Variants in SLC4A10 observed in about 807,000 individuals in gnomAD.
SLC4A10 encodes the protein solute carrier family 4 member 10.
A neutral mutation model predicts 137.7 loss-of-function variants in SLC4A10; 42 were observed. The ratio of observed to expected loss-of-function variants is 0.30; its 90% CI spans 0.24 to 0.39. SLC4A10 has a LOEUF of 0.39. SLC4A10 is among the 10% of genes least tolerant of loss of function. The probability of loss-of-function intolerance (pLI) is 1.00; values close to 1 mark genes in which losing one functional copy is unlikely to be tolerated. For synonymous variants in SLC4A10, 474 were observed against 464.1 expected (o/e 1.02, Z -0.27); for missense variants, 925 against 1,355.0 (o/e 0.68, Z 4.98).
chr2:161,892,780 T>C (rs1364460300), intron 10 of SLC4A10, among the ~76,000 whole-genome samples: 2 of 152,056 alleles, frequency 1.3e-5, no homozygotes, highest in Admixed American at 6.6e-5. Flanking sequence ...GTCAGAAATA[T>C]TTATATTATA....
intron 3 of SLC4A10, among the ~76,000 whole-genome samples, chr2:161,812,171 T>C (rs1639388292): frequency 6.6e-6 from 1 of 152,050 alleles, no homozygotes; most frequent in Non-Finnish European, 1.5e-5. Flanking sequence ...TGTCCCTTAA[T>C]GAAGAAAATT....
At chr2:161,731,034 T>A (rs2046773777) in intron 1 of SLC4A10, among the ~76,000 whole-genome samples, 1 of 152,154 alleles carries the variant, frequency 6.6e-6, no homozygotes, top group African/African-American at 2.4e-5. Context: ...TGTTTTGAAT[T>A]GAAATTGTAC....
intron 1 of SLC4A10, among the ~76,000 whole-genome samples, chr2:161,733,805 G>A (rs1160791923): frequency 6.6e-6 from 1 of 152,212 alleles, no homozygotes; most frequent in Non-Finnish European, 1.5e-5. Flanking sequence ...AAAGCCACAG[G>A]GGTGGAGCTG....
chr2:161,666,624 C>T (rs1372565934), intron 1 of SLC4A10, among the ~76,000 whole-genome samples: 2 of 151,662 alleles, frequency 1.3e-5, no homozygotes, highest in Non-Finnish European at 3.0e-5. Flanking sequence ...ACAGATCTGG[C>T]TGATATTATG....
chr2:161,909,242 A>C (rs1685229964), intron 15 of SLC4A10, among the ~76,000 whole-genome samples: 1 of 152,078 alleles, frequency 6.6e-6, no homozygotes, highest in African/African-American at 2.4e-5. Context: ...TAACAATAAA[A>C]TTAAATATAT....
intron 9 of SLC4A10, 139 bp from the exon 10 acceptor site, chr2:161,882,218 A>T: frequency 1.8e-6 from 1 of 549,990 alleles, no homozygotes; most frequent in East Asian, 3.2e-5. Flanking sequence ...TCAAAATAAT[A>T]ATGAACTATG....
rs1261502891 is a variant in SLC4A10 at position 161,771,012 on chromosome 2, C to T, written c.88C>T (p.Arg30Cys). The change falls in exon 2 of 27, where the codon CGT (arginine) becomes TGT (cysteine). Residue 30 changes from arginine (R) to cysteine (C), a missense_variant. Transcript: ENST00000446997. ...EEAVVDRGGT[R>C]SILKTHFEKE... ...AGCAGTTGTGGATAGAGGTGGAACT[C>T]GTTCTATTCTCAAAACACACTTTGA... The T allele has an allele frequency of 6.2e-6, 10 of 1,605,828 alleles. No homozygotes were observed. Among genetic ancestry groups the T allele is most frequent in the Non-Finnish European group, 7.7e-6 (9 of 1,175,762 alleles).
Position 161,930,353 on chromosome 2 carries a change from A to G in SLC4A10, c.1998-12439A>G, listed in dbSNP as rs545737519. On this transcript the variant is annotated intron_variant, in intron 15 of 26. Transcript: ENST00000446997. ...AGGAGTGATTTGCAGATTTAATGCAATTATATCAAAGTAGTTTATAACCCA... is the reference window on the plus strand; with the variant it reads ...AGGAGTGATTTGCAGATTTAATGCAGTTATATCAAAGTAGTTTATAACCCA... 2.0e-5 allele frequency among the ~76,000 whole-genome samples: 3 copies of G among 152,158 alleles called. No individual in the cohort carries two copies. In the East Asian group the frequency reaches 5.8e-4, roughly 29 times the overall value.
intron 5 of SLC4A10, among the ~76,000 whole-genome samples, chr2:161,860,852 G>A (rs1202655489): frequency 6.6e-6 from 1 of 152,138 alleles, no homozygotes; most frequent in Non-Finnish European, 1.5e-5. Flanking sequence ...ACATATGGCC[G>A]ACTGCCTGAT....
intron 15 of SLC4A10, among the ~76,000 whole-genome samples, chr2:161,939,565 C>A (rs1425837749): frequency 6.6e-6 from 1 of 152,030 alleles, no homozygotes; most frequent in Non-Finnish European, 1.5e-5. Context: ...CTTTACATTC[C>A]ACTTTGTAAG....
At chr2:161,664,684 G>C (rs1020665548) in intron 1 of SLC4A10, among the ~76,000 whole-genome samples, 2 of 144,028 alleles carry the variant, frequency 1.4e-5, no homozygotes, top group African/African-American at 5.1e-5. Flanking sequence ...TTGACTTATT[G>C]TCTAAGTTTA....
At chr2:161,730,929 A>G (rs138235978) in intron 1 of SLC4A10, among the ~76,000 whole-genome samples, 1 of 152,326 alleles carries the variant, frequency 6.6e-6, no homozygotes, top group East Asian at 1.9e-4. Flanking sequence ...AGGTTGACCT[A>G]TAGTATTTAC....
intron 1 of SLC4A10, among the ~76,000 whole-genome samples, chr2:161,695,020 T>C (rs554083019): frequency 1.3e-5 from 2 of 152,124 alleles, no homozygotes; most frequent in East Asian, 1.9e-4. Flanking sequence ...GAATGTGAAA[T>C]TGTAACTAAG....
At chr2:161,739,956 T>C (rs2047718393) in intron 1 of SLC4A10, among the ~76,000 whole-genome samples, 1 of 152,182 alleles carries the variant, frequency 6.6e-6, no homozygotes, top group South Asian at 2.1e-4. Context: ...TCATGCCTTA[T>C]ATGGGCATCC....
At chr2:161,814,687 G>A (rs929876487) in intron 3 of SLC4A10, among the ~76,000 whole-genome samples, 4 of 152,176 alleles carry the variant, frequency 2.6e-5, no homozygotes, top group Admixed American at 6.6e-5. Flanking sequence ...AATACCACAT[G>A]TTCTCACTTA....
intron 2 of SLC4A10, among the ~76,000 whole-genome samples, chr2:161,796,613 G>A (rs1324157409): frequency 1.3e-5 from 2 of 152,158 alleles, no homozygotes; most frequent in East Asian, 3.9e-4. Flanking sequence ...GTTGGAACAA[G>A]CTGCTAAAAT....
intron 1 of SLC4A10, among the ~76,000 whole-genome samples, chr2:161,715,610 C>T (rs549323773): frequency 8.0e-4 from 122 of 152,058 alleles, no homozygotes; most frequent in Non-Finnish European, 1.5e-3. Context: ...TCTGTTCCTG[C>T]GTTAGTTTGC....
chr2:161,718,965 C>T (rs2125104466), intron 1 of SLC4A10, among the ~76,000 whole-genome samples: 1 of 152,170 alleles, frequency 6.6e-6, no homozygotes, highest in South Asian at 2.1e-4. Context: ...AGGATAGTTA[C>T]ATATGTATAC....
At chr2:161,737,124 G>A (rs2047425735) in intron 1 of SLC4A10, among the ~76,000 whole-genome samples, 1 of 152,006 alleles carries the variant, frequency 6.6e-6, no homozygotes, top group South Asian at 2.1e-4. Flanking sequence ...TTCCCAAAGT[G>A]CTTTGATCAC....
Sources: gnomAD v4.1 joint callset for allele counts (sites outside exome capture counted in the v4.1 genomes callset) on GRCh38, gnomAD v4.1.1 for gene constraint, MANE v1.5 for transcripts, NCBI Gene and HGNC (gene_info 2026-07-23, HGNC 2026-07-21) for gene names.